Variants in TRDN observed in about 807,000 individuals in gnomAD.
The protein encoded by TRDN is triadin in skeletal muscle.
TRDN carries 161 observed loss-of-function variants against 149.7 expected under a neutral mutation model. The ratio of observed to expected loss-of-function variants is 1.08; its 90% CI spans 0.95 to 1.23. The LOEUF (loss-of-function observed/expected upper bound fraction) is 1.23. Among genes scored for constraint, TRDN ranks in the 50% most tolerant of loss-of-function variants. The pLI is 0.00. For missense variants in TRDN, 896 were observed against 823.5 expected (o/e 1.09, Z -1.08); for synonymous variants, 294 against 250.5 (o/e 1.17, Z -1.64).
chr6:123,293,192 T>C (rs1276697097), intron 24 of TRDN, among the ~76,000 whole-genome samples: 1 of 152,098 alleles, frequency 6.6e-6, no homozygotes, highest in Non-Finnish European at 1.5e-5. Context: ...ACTTCCCACA[T>C]CTTACCTGGT....
chr6:123,260,501 C>A, intron 34 of TRDN, 111 bp downstream of exon 34: 1 of 1,191,948 alleles, frequency 8.4e-7, no homozygotes, highest in East Asian at 2.9e-5. Flanking sequence ...AACAGAATAT[C>A]TGGAATTTGA....
chr6:123,496,760 T>G (rs893280418), intron 9 of TRDN, among the ~76,000 whole-genome samples: 2 of 152,040 alleles, frequency 1.3e-5, no homozygotes, highest in Non-Finnish European at 2.9e-5. Flanking sequence ...GGGAGAAAAT[T>G]TTAAAGTTTT....
intron 10 of TRDN, among the ~76,000 whole-genome samples, chr6:123,449,863 A>G (rs964780073): frequency 1.3e-5 from 2 of 152,210 alleles, no homozygotes; most frequent in Non-Finnish European, 1.5e-5. Flanking sequence ...GATTAACAAC[A>G]GATTTCTGAG....
chr6:123,513,049 G>T (rs1245673928), intron 6 of TRDN, among the ~76,000 whole-genome samples: 3 of 152,132 alleles, frequency 2.0e-5, no homozygotes, highest in Non-Finnish European at 4.4e-5. Flanking sequence ...TTGGAGAGAT[G>T]ATTTAAGCCT....
chr6:123,369,670 T>TA (rs1490200433), intron 19 of TRDN, among the ~76,000 whole-genome samples: 2 of 152,036 alleles, frequency 1.3e-5, no homozygotes, highest in African/African-American at 4.8e-5. Context: ...ATAGAGAAAA[T>TA]AGGGGCAGAC....
At chr6:123,405,584 G>A (rs1376149673) in intron 12 of TRDN, among the ~76,000 whole-genome samples, 1 of 152,230 alleles carries the variant, frequency 6.6e-6, no homozygotes, top group Non-Finnish European at 1.5e-5. Context: ...AAACACAATT[G>A]GTTTCTGTAT....
At chr6:123,542,721 CATAA>C (rs556225415) in intron 4 of TRDN, among the ~76,000 whole-genome samples, 11 of 152,074 alleles carry the variant, frequency 7.2e-5, no homozygotes, top group Admixed American at 2.6e-4. Flanking sequence ...TATCTTTGAA[CATAA>C]ATAGAGAAAA....
At chr6:123,362,260 C>T (rs1780936026) in intron 20 of TRDN, among the ~76,000 whole-genome samples, 2 of 152,128 alleles carry the variant, frequency 1.3e-5, no homozygotes, top group South Asian at 4.1e-4. Flanking sequence ...CAGGTCCTAA[C>T]ACTTTTCACT....
At chr6:123,347,893 C>T (rs766861594) in intron 21 of TRDN, among the ~76,000 whole-genome samples, 1 of 152,180 alleles carries the variant, frequency 6.6e-6, no homozygotes, top group South Asian at 2.1e-4. Flanking sequence ...GGAGATAGCT[C>T]TGTGCTCTAT....
intron 14 of TRDN, among the ~76,000 whole-genome samples, chr6:123,386,061 G>A (rs1216224139): frequency 6.6e-6 from 1 of 152,002 alleles, no homozygotes; most frequent in Non-Finnish European, 1.5e-5. Context: ...ATATATATTT[G>A]TTCAGAAATG....
chr6:123,546,009 GTT>G (rs1781092811), intron 4 of TRDN, among the ~76,000 whole-genome samples: 1 of 152,032 alleles, frequency 6.6e-6, no homozygotes, highest in Non-Finnish European at 1.5e-5. Context: ...TTATTTATCT[GTT>G]TTCCCTTCTT....
intron 4 of TRDN, among the ~76,000 whole-genome samples, chr6:123,540,315 CT>C (rs1194647605): frequency 6.6e-6 from 1 of 151,994 alleles, no homozygotes; most frequent in Non-Finnish European, 1.5e-5. Flanking sequence ...TAATTTTGGC[CT>C]CAACTTTCTG....
At chr6:123,306,948 T>C (rs1367135369) in intron 24 of TRDN, among the ~76,000 whole-genome samples, 1 of 152,106 alleles carries the variant, frequency 6.6e-6, no homozygotes, top group Non-Finnish European at 1.5e-5. Context: ...AATAAATAAT[T>C]GTTATACTGT....
chr6:123,361,002 C>T (rs1488486977), intron 20 of TRDN, among the ~76,000 whole-genome samples: 2 of 152,072 alleles, frequency 1.3e-5, no homozygotes, highest in African/African-American at 2.4e-5. Flanking sequence ...TGGGTTGGTT[C>T]CAAGTCTTTG....
intron 19 of TRDN, among the ~76,000 whole-genome samples, chr6:123,366,625 C>A (rs916940424): frequency 6.6e-6 from 1 of 152,030 alleles, no homozygotes; most frequent in Non-Finnish European, 1.5e-5. Flanking sequence ...TCAAGCAATT[C>A]CCCTGCCCCA....
intron 1 of TRDN, among the ~76,000 whole-genome samples, chr6:123,608,315 T>C (rs937184691): frequency 7.2e-5 from 11 of 152,324 alleles, no homozygotes; most frequent in South Asian, 2.1e-4. Flanking sequence ...ATTTAAAAAA[T>C]ACTTGTCAGT....
chr6:123,312,832 C>T (rs149471113), intron 24 of TRDN, among the ~76,000 whole-genome samples: 16 of 152,024 alleles, frequency 1.1e-4, no homozygotes, highest in African/African-American at 3.6e-4. Flanking sequence ...TGTCTATGTC[C>T]CTGATTACAC....
chr6:123,333,551 C>A (rs1203573743), intron 22 of TRDN, among the ~76,000 whole-genome samples: 2 of 152,096 alleles, frequency 1.3e-5, no homozygotes, highest in African/African-American at 4.8e-5. Flanking sequence ...CTTGCACTGA[C>A]TTTCCTACAG....
intron 1 of TRDN, among the ~76,000 whole-genome samples, chr6:123,611,841 A>C (rs1432901746): frequency 6.6e-6 from 1 of 152,210 alleles, no homozygotes; most frequent in Non-Finnish European, 1.5e-5. Context: ...TGGATCAGTC[A>C]GAACCTTTGC....
Sources: allele counts gnomAD v4.1 joint callset (sites outside exome capture counted in the v4.1 genomes callset), GRCh38; gene constraint gnomAD v4.1.1; transcripts MANE v1.5; gene names NCBI Gene and HGNC (gene_info 2026-07-23, HGNC 2026-07-21).